DPF2: variants seen among roughly 807,000 people sequenced by gnomAD.
DPF2 encodes the protein double PHD fingers 2.
Under a neutral mutation model 59.6 loss-of-function variants are expected in DPF2, and 10 were observed. The ratio of observed to expected loss-of-function variants is 0.17; its 90% CI spans 0.10 to 0.28. The LOEUF (loss-of-function observed/expected upper bound fraction) is 0.28, where lower values mean the gene tolerates loss of function less well. DPF2 is among the 10% of genes least tolerant of loss of function. The pLI is 1.00. For missense variants in DPF2, 315 were observed against 509.4 expected (o/e 0.62, Z 3.67); for synonymous variants, 189 against 190.6 (o/e 0.99, Z 0.07).
At chr11:65,351,276 A>T (rs1854689895) in intron 10 of DPF2, among the ~76,000 whole-genome samples, 1 of 152,212 alleles carries the variant, frequency 6.6e-6, no homozygotes, top group African/African-American at 2.4e-5. Flanking sequence ...ATTAATAAAC[A>T]AGGAATGACC....
chr11:65,337,252 C>A (rs938140424), intron 1 of DPF2, among the ~76,000 whole-genome samples: 3 of 151,190 alleles, frequency 2.0e-5, no homozygotes, highest in African/African-American at 7.3e-5. Flanking sequence ...GAGTTCGAGA[C>A]CAGCTTGGCC....
chr11:65,346,482 C>A, intron 9 of DPF2, 123 bp downstream of exon 9: 1 of 780,186 alleles, frequency 1.3e-6, no homozygotes, highest in Non-Finnish European at 2.0e-6. Flanking sequence ...ATGCCACACG[C>A]CCCTCCCTAG....
chr11:65,344,157 C>T (rs1195958751), intron 6 of DPF2, 88 bp downstream of exon 6: 3 of 1,401,522 alleles, frequency 2.1e-6, no homozygotes, highest in Non-Finnish European at 3.0e-6. Flanking sequence ...GTGTTTTTGC[C>T]CAGAGTATTA....
chr11:65,337,519 A>AGAGAGAGAGG (rs1176753701), intron 1 of DPF2, among the ~76,000 whole-genome samples: 1 of 131,762 alleles, frequency 7.6e-6, no homozygotes, highest in Non-Finnish European at 1.6e-5. Flanking sequence ...AGAGAGAGAG[A>AGAGAGAGAGG]GAGAGAGAGA....
rs1250041043 is a variant in DPF2, at chr11:65,352,248, TCTTTC to T, written c.*492_*496del. The T allele has an allele frequency of 6.0e-6, 1 of 166,162 alleles. No individual in the cohort carries two copies. Among genetic ancestry groups the T allele is most frequent in the East Asian group, 1.7e-4 (1 of 5,886 alleles). 10.3% of individuals were successfully genotyped at this position (166,162 alleles called of 1,614,324 possible). ...TGCCCCTGTGCCGCATAGCCTCACC[TCTTTC>T]CTCCAGAGTGGCTCTCTGCGGCCCT... On this transcript the variant is annotated 3_prime_UTR_variant, in exon 11 of 11. Coordinates refer to ENST00000528416, the MANE Select transcript of DPF2 (RefSeq NM_006268.5).
At chr11:65,342,976 A>G (rs1850070843) in intron 4 of DPF2, among the ~76,000 whole-genome samples, 1 of 142,546 alleles carries the variant, frequency 7.0e-6, no homozygotes, top group Non-Finnish European at 1.5e-5. Flanking sequence ...CCTAGGTGAC[A>G]GAACGAGACT....
rs1854734757 is a variant in DPF2, at chr11:65,352,422, C to G, written c.*663C>G. On this transcript the variant is annotated 3_prime_UTR_variant, in exon 11 of 11. Coordinates refer to ENST00000528416, the MANE Select transcript of DPF2 (RefSeq NM_006268.5). ...CCATTGCTCTCCTGGCTCACTCTTA[C>G]GGTCGGTCTCCAGTGACTGAAGCAT... 6.5e-6 allele frequency: 1 copy of G among 152,804 alleles called. No homozygotes were observed. Among genetic ancestry groups the G allele is most frequent in the African/African-American group, 2.4e-5 (1 of 41,412 alleles). The allele number at this position is 152,804 out of a possible 1,614,324, so 9.5% of individuals were successfully genotyped here. A position where few individuals can be genotyped will look rare whatever the true frequency, so the allele number is the denominator to read the frequency against.
chr11:65,333,881 G>C lies in DPF2; in HGVS notation c.-6G>C, dbSNP rs199784907. On this transcript the variant is annotated 5_prime_UTR_variant, in exon 1 of 11. Coordinates refer to ENST00000528416, the MANE Select transcript of DPF2 (RefSeq NM_006268.5). ...CTTCTCGGCCCGAGGCAGAGGAACAGGGAAGATGGCGGCTGTGGTGGAGAA... is the reference window on the plus strand; with the variant it reads ...CTTCTCGGCCCGAGGCAGAGGAACACGGAAGATGGCGGCTGTGGTGGAGAA... 18 of 1,613,896 alleles carry C rather than the reference G, an allele frequency of 1.1e-5. No individual in the cohort carries two copies. Among genetic ancestry groups the C allele is most frequent in the Non-Finnish European group, 1.5e-5 (18 of 1,179,992 alleles).
rs200015058 is a variant in DPF2 at position 65,346,021 on chromosome 11, C to T, written c.867C>T (p.Pro289=). 2.6e-5 allele frequency: 42 copies of T among 1,614,210 alleles called. No individual in the cohort carries two copies. The African/African-American group carries it at 2.8e-4, about 11-fold the overall frequency. Residue 289 remains proline, a synonymous_variant, in exon 8 of 11, where the codon CCC becomes CCT. Transcript: ENST00000528416. ...AGATTAACAAGAAGACGGGACAACC[C>T]GAGGAGCTGGTGTCCTGTTCTGACT... ...DSKINKKTGQ[P]EELVSCSDCG...
At position 65,346,290 on chromosome 11, in the gene DPF2, A is replaced by C. The variant is rs200364248; in HGVS notation, c.948A>C (p.Ala316=). ...CLQFTPVMMA[A]VKTYRWQCIE... ...AATTTACCCCCGTGATGATGGCGGC[A>C]GTGAAGACATACCGCTGGCAGTGCA... The change falls in exon 9 of 11, where the codon GCA becomes GCC. Residue 316 remains alanine (A), a synonymous_variant. Coordinates refer to ENST00000528416, the MANE Select transcript of DPF2 (RefSeq NM_006268.5). The C allele has an allele frequency of 1.7e-5, 28 of 1,614,060 alleles. No homozygotes were observed. The African/African-American group carries it at 2.0e-4, about 12-fold the overall frequency.
At chr11:65,334,402 C>T (rs565280508) in intron 1 of DPF2, among the ~76,000 whole-genome samples, 17 of 152,308 alleles carry the variant, frequency 1.1e-4, no homozygotes, top group African/African-American at 3.8e-4. Flanking sequence ...CAGGCAGCCC[C>T]GTGATGTTTG....
intron 1 of DPF2, among the ~76,000 whole-genome samples, chr11:65,334,414 G>C (rs1233686368): frequency 6.6e-6 from 1 of 152,256 alleles, no homozygotes; most frequent in South Asian, 2.1e-4. Context: ...TGATGTTTGG[G>C]AGGATCTTGG....
intron 1 of DPF2, among the ~76,000 whole-genome samples, chr11:65,338,541 T>G (rs990561172): frequency 2.0e-5 from 3 of 152,236 alleles, no homozygotes; most frequent in African/African-American, 7.2e-5. Context: ...GCACTCAACC[T>G]TGTTTATCCA....
intron 4 of DPF2, among the ~76,000 whole-genome samples, chr11:65,343,299 C>CAAAAAAAAA (rs529933254): frequency 1.7e-5 from 1 of 58,024 alleles, no homozygotes; most frequent in Non-Finnish European, 3.1e-5. Context: ...AACTCTGTCT[C>CAAAAAAAAA]AAAAAAAAAA....
intron 6 of DPF2, chr11:65,345,076 C>T: frequency 1.1e-5 from 2 of 178,248 alleles, no homozygotes; most frequent in Non-Finnish European, 1.2e-5. Context: ...TGCTGATTGG[C>T]AGGCCTGGAC....
chr11:65,349,665 G>A (rs1590939556), intron 10 of DPF2, among the ~76,000 whole-genome samples: 1 of 152,108 alleles, frequency 6.6e-6, no homozygotes, highest in Non-Finnish European at 1.5e-5. Context: ...CTGTGGTGGC[G>A]GGCGCCTGTA....
chr11:65,341,612 C>G (rs773318082), intron 4 of DPF2, 50 bp downstream of exon 4: 3 of 1,605,410 alleles, frequency 1.9e-6, no homozygotes, highest in Non-Finnish European at 2.6e-6. Context: ...AATCAGCCTC[C>G]TCTTCACTGG....
intron 1 of DPF2, among the ~76,000 whole-genome samples, chr11:65,336,442 A>G (rs913260843): frequency 6.6e-6 from 1 of 151,958 alleles, no homozygotes; most frequent in East Asian, 1.9e-4. Context: ...AAGTGAGCTG[A>G]TATCACACCA....
intron 1 of DPF2, among the ~76,000 whole-genome samples, chr11:65,337,474 A>AATATATATATATATAT (rs1196397460): frequency 2.2e-5 from 1 of 46,482 alleles, no homozygotes; most frequent in Non-Finnish European, 3.6e-5. Flanking sequence ...AAAAAAAAAA[A>AATATATATATATATAT]ATATATATAT....
Sources: gnomAD v4.1 joint callset for allele counts (sites outside exome capture counted in the v4.1 genomes callset) on GRCh38, gnomAD v4.1.1 for gene constraint, MANE v1.5 for transcripts, NCBI Gene and HGNC (gene_info 2026-07-23, HGNC 2026-07-21) for gene names.